GPHN: variants seen among roughly 807,000 people sequenced by gnomAD.
GPHN encodes gephyrin.
In GPHN, 17 loss-of-function variants were observed where a neutral mutation model predicts 95.5. The observed-to-expected ratio is 0.18, with a 90% confidence interval of 0.12 to 0.27. The LOEUF (loss-of-function observed/expected upper bound fraction) is 0.27. GPHN is among the 10% of genes least tolerant of loss of function. The pLI, the probability that GPHN is intolerant of heterozygous loss-of-function variation, is 1.00. For synonymous variants in GPHN, 320 were observed against 322.5 expected (o/e 0.99, Z 0.08); for missense variants, 660 against 978.1 (o/e 0.67, Z 4.34).
At chr14:66,744,856 A>G (rs926075301) in intron 2 of GPHN, among the ~76,000 whole-genome samples, 2 of 151,560 alleles carry the variant, frequency 1.3e-5, no homozygotes, top group Middle Eastern at 3.4e-3. Flanking sequence ...TAGCAATGCA[A>G]TTTTTTTTTA....
the GPHN span, among the ~76,000 whole-genome samples, chr14:67,188,292 G>T: frequency 6.6e-6 from 1 of 152,044 alleles, no homozygotes; most frequent in African/African-American, 2.4e-5. Context: ...TTTTAAAGAC[G>T]CTTTTGAAGG....
At chr14:66,612,378 C>T (rs2062820669) in intron 1 of GPHN, among the ~76,000 whole-genome samples, 2 of 152,022 alleles carry the variant, frequency 1.3e-5, no homozygotes, top group African/African-American at 2.4e-5. Context: ...CACATAGTTG[C>T]TCTGCATACT....
the GPHN span, among the ~76,000 whole-genome samples, chr14:67,590,506 G>A: frequency 1.3e-5 from 2 of 152,006 alleles, no homozygotes; most frequent in East Asian, 3.9e-4. Flanking sequence ...CTACAGGCAC[G>A]AACCACCATG....
In GPHN at chr14:67,014,936, T is replaced by G. The variant is rs1048179778; in HGVS notation, c.964-8697T>G. ...GATTTGCAAAGTTTCCAGAGGTCAC[T>G]GAACATGGTTCAACTTGGAATTAAA... is the stretch of plus-strand genomic sequence containing the variant. On this transcript the variant is annotated intron_variant, in intron 9 of 22. Coordinates refer to ENST00000478722, the MANE Select transcript of GPHN (RefSeq NM_020806.5). Among the ~76,000 whole-genome samples the G allele has an allele frequency of 4.6e-5, 7 of 152,198 alleles. 1 individual carries two copies. Among genetic ancestry groups the G allele is most frequent in the Non-Finnish European group, 8.8e-5 (6 of 68,016 alleles).
intron 1 of GPHN, among the ~76,000 whole-genome samples, chr14:66,535,169 G>A (rs1383304450): frequency 1.3e-5 from 2 of 151,750 alleles, no homozygotes; most frequent in African/African-American, 2.4e-5. Context: ...AATGATGTGA[G>A]GTAAAAACCA....
chr14:66,618,060 A>G (rs1358836674), intron 1 of GPHN, among the ~76,000 whole-genome samples: 2 of 152,138 alleles, frequency 1.3e-5, no homozygotes, highest in African/African-American at 4.8e-5. Flanking sequence ...TTCAGTATAT[A>G]TAACTGGTGG....
intron 1 of GPHN, among the ~76,000 whole-genome samples, chr14:66,537,250 G>C (rs944932234): frequency 1.3e-5 from 2 of 151,996 alleles, no homozygotes; most frequent in African/African-American, 4.8e-5. Flanking sequence ...GTGGTTACTA[G>C]TATAGTTGGG....
At chr14:67,135,388 A>G (rs1266132107) in intron 17 of GPHN, among the ~76,000 whole-genome samples, 1 of 152,166 alleles carries the variant, frequency 6.6e-6, no homozygotes, top group Non-Finnish European at 1.5e-5. Context: ...TTTTTCCAGA[A>G]CATTACTTGG....
chr14:66,545,470 G>T (rs552565774), intron 1 of GPHN, among the ~76,000 whole-genome samples: 1 of 126,494 alleles, frequency 7.9e-6, no homozygotes, highest in East Asian at 2.6e-4. Flanking sequence ...GGGCAGAGGC[G>T]CCCCTCACCT....
intron 10 of GPHN, among the ~76,000 whole-genome samples, chr14:67,040,706 A>AATG (rs1403291158): frequency 6.6e-6 from 1 of 152,092 alleles, no homozygotes; most frequent in Non-Finnish European, 1.5e-5. Context: ...TATTTTGTAC[A>AATG]ATGTCCCTCA....
intron 1 of GPHN, among the ~76,000 whole-genome samples, chr14:66,524,758 T>C (rs925308404): frequency 1.3e-5 from 2 of 152,286 alleles, no homozygotes; most frequent in East Asian, 3.9e-4. Context: ...TTTGGTTTTC[T>C]GTTCTCGTGT....
chr14:66,596,868 C>T (rs544250524), intron 1 of GPHN, among the ~76,000 whole-genome samples: 8 of 152,292 alleles, frequency 5.3e-5, no homozygotes, highest in Admixed American at 4.6e-4. Flanking sequence ...CTGCTGGCTC[C>T]GTGGAGTGCA....
chr14:67,571,739 G>C, the GPHN span: 1 of 1,608,156 alleles, frequency 6.2e-7, no homozygotes, highest in African/African-American at 1.3e-5. Flanking sequence ...TGAGGGAGGG[G>C]CCTGTCTTGC....
chr14:67,702,220 T>G, the GPHN span, among the ~76,000 whole-genome samples: 1 of 151,856 alleles, frequency 6.6e-6, no homozygotes, highest in African/African-American at 2.4e-5. Context: ...TCTCCCACCT[T>G]AGGGTCCCAA....
At chr14:67,339,794 T>C in the GPHN span, among the ~76,000 whole-genome samples, 1 of 152,116 alleles carries the variant, frequency 6.6e-6, no homozygotes, top group Non-Finnish European at 1.5e-5. Flanking sequence ...TAAATCATCA[T>C]TTCATTTTAA....
chr14:67,193,360 A>G, the GPHN span, among the ~76,000 whole-genome samples: 1 of 133,840 alleles, frequency 7.5e-6, no homozygotes, highest in Admixed American at 7.5e-5. Context: ...ATAGAGATAT[A>G]TAATCTATCT....
chr14:67,425,530 C>A, the GPHN span, among the ~76,000 whole-genome samples: 3 of 152,106 alleles, frequency 2.0e-5, no homozygotes, highest in Non-Finnish European at 4.4e-5. Context: ...GCAACAGAGT[C>A]TCTAAAACCA....
chr14:67,301,411 T>C, the GPHN span: 3 of 1,610,158 alleles, frequency 1.9e-6, no homozygotes, highest in Non-Finnish European at 2.5e-6. Flanking sequence ...TTGAAGCCAG[T>C]TCATCATAAG....
At chr14:67,651,006 T>C in the GPHN span, 1 of 1,347,590 alleles carries the variant, frequency 7.4e-7, no homozygotes, top group South Asian at 1.2e-5. Flanking sequence ...AATGGTTGTC[T>C]GGGTCAATAC....
Sources: allele counts gnomAD v4.1 joint callset (sites outside exome capture counted in the v4.1 genomes callset), GRCh38; gene constraint gnomAD v4.1.1; transcripts MANE v1.5; gene names NCBI Gene and HGNC (gene_info 2026-07-23, HGNC 2026-07-21).